The following P2RY8 variants were observed in gnomAD, a reference collection of about 807,000 sequenced individuals.
P2RY8 encodes the protein P2Y receptor family member 8.
P2RY8 carries 6 observed loss-of-function variants against 10.0 expected under a neutral mutation model. The observed-to-expected ratio is 0.60, with a 90% CI of 0.33 to 1.19. The LOEUF (loss-of-function observed/expected upper bound fraction) is 1.19, where lower values mean the gene tolerates loss of function less well. P2RY8 is among the 50% of genes most tolerant of loss of function. The probability of loss-of-function intolerance (pLI) is 0.04; values close to 1 mark genes in which losing one functional copy is unlikely to be tolerated. For missense variants in P2RY8, 456 were observed against 542.0 expected (o/e 0.84, Z 1.58); for synonymous variants, 276 against 252.5 (o/e 1.09, Z -0.88).
intron 1 of P2RY8, among the ~76,000 whole-genome samples, chrX:1,535,462 A>G (rs2092517176): frequency 6.6e-6 from 1 of 151,768 alleles, no homozygotes; most frequent in African/African-American, 2.4e-5. Flanking sequence ...TGCTGGGATT[A>G]CAGGCGTCTG....
chrX:1,531,041 C>T (rs1410910678), intron 1 of P2RY8, among the ~76,000 whole-genome samples: 3 of 140,518 alleles, frequency 2.1e-5, no homozygotes, highest in East Asian at 2.1e-4. Context: ...ATCTATTTAT[C>T]GATTCTATCT....
At chrX:1,513,801 C>T (rs1292031144) in intron 1 of P2RY8, among the ~76,000 whole-genome samples, 22 of 151,782 alleles carry the variant, frequency 1.4e-4, no homozygotes, top group Admixed American at 2.0e-4. Context: ...GGGCTCCAGG[C>T]GTCCCTGGGC....
At chrX:1,527,409 C>T (rs1312639861) in intron 1 of P2RY8, among the ~76,000 whole-genome samples, 4 of 151,862 alleles carry the variant, frequency 2.6e-5, no homozygotes, top group Admixed American at 1.3e-4. Flanking sequence ...CATTCATTCA[C>T]TCATTCATTT....
At position 1,471,308 on chromosome X, in the gene P2RY8, C is replaced by CTTTTTTTTT. The variant is rs1569536548; in HGVS notation, c.-24-4727_-24-4726insAAAAAAAAA. Among the ~76,000 whole-genome samples, 5 of 71,110 alleles carry CTTTTTTTTT rather than the reference C, an allele frequency of 7.0e-5. 1 individual carries two copies. The highest frequency in any genetic ancestry group is 2.6e-4 in the African/African-American group (5 of 19,258). 46.7% of individuals were successfully genotyped at this position (71,110 alleles called of 152,430 possible). On this transcript the variant is annotated intron_variant, in intron 1 of 1. Coordinates refer to ENST00000381297, the MANE Select transcript of P2RY8 (RefSeq NM_178129.5). ...CAGACGTGAGCCACCGCGCCCAGCC[C>CTTTTTTTTT]ATTTTTTTTTTTTTTTTTTTTTTGT...
At chrX:1,515,425 G>T (rs4933086) in intron 1 of P2RY8, among the ~76,000 whole-genome samples, 71,380 of 148,382 alleles carry the variant, frequency 0.48, 18,187 homozygotes, top group East Asian at 0.79. Flanking sequence ...AGGCTGGAGT[G>T]CAATGGCACA....
At chrX:1,534,019 C>T (rs1178864845) in intron 1 of P2RY8, among the ~76,000 whole-genome samples, 2 of 122,382 alleles carry the variant, frequency 1.6e-5, no homozygotes, top group Non-Finnish European at 3.1e-5. Context: ...TACATATTTA[C>T]ATATATTATA....
chrX:1,534,593 A>T (rs773710645), intron 1 of P2RY8, among the ~76,000 whole-genome samples: 2 of 151,568 alleles, frequency 1.3e-5, no homozygotes, highest in South Asian at 4.2e-4. Flanking sequence ...GCCTCTAGGG[A>T]CAGAAGAGGG....
intron 1 of P2RY8, among the ~76,000 whole-genome samples, chrX:1,531,681 A>G (rs2092476687): frequency 6.6e-6 from 1 of 152,072 alleles, no homozygotes; most frequent in Admixed American, 6.6e-5. Flanking sequence ...CTAGAAAATC[A>G]CACATCCTGC....
At chrX:1,478,977 C>G (rs1257957795) in intron 1 of P2RY8, among the ~76,000 whole-genome samples, 5 of 152,116 alleles carry the variant, frequency 3.3e-5, no homozygotes, top group Non-Finnish European at 7.3e-5. Flanking sequence ...TTCCAGGTTC[C>G]CACATTCCAA....
intron 1 of P2RY8, among the ~76,000 whole-genome samples, chrX:1,482,808 C>T (rs1196938916): frequency 6.6e-6 from 1 of 151,840 alleles, no homozygotes; most frequent in Non-Finnish European, 1.5e-5. Context: ...ATGGATGAAG[C>T]TCGAAACCAT....
At chrX:1,474,599 G>A (rs1363681303) in intron 1 of P2RY8, among the ~76,000 whole-genome samples, 1 of 143,342 alleles carries the variant, frequency 7.0e-6, no homozygotes, top group Non-Finnish European at 1.5e-5. Context: ...TGGATGGATG[G>A]ATGGATGGAT....
chrX:1,480,191 A>T (rs753481766), intron 1 of P2RY8, among the ~76,000 whole-genome samples: 3 of 152,258 alleles, frequency 2.0e-5, no homozygotes, highest in South Asian at 2.1e-4. Context: ...ACTCATTCTC[A>T]CACCCTCATC....
At chrX:1,509,644 TC>T (rs1458740787) in intron 1 of P2RY8, among the ~76,000 whole-genome samples, 3 of 144,962 alleles carry the variant, frequency 2.1e-5, no homozygotes, top group Non-Finnish European at 4.4e-5. Context: ...CATCTATTCA[TC>T]CATCTGTCTA....
At chrX:1,478,399 G>A (rs1379023151) in intron 1 of P2RY8, among the ~76,000 whole-genome samples, 4 of 152,104 alleles carry the variant, frequency 2.6e-5, no homozygotes, top group African/African-American at 4.8e-5. Context: ...TGACAGACAG[G>A]TCCTTTTGGG....
intron 1 of P2RY8, among the ~76,000 whole-genome samples, chrX:1,475,471 C>T (rs1403842484): frequency 3.3e-5 from 5 of 151,936 alleles, no homozygotes; most frequent in African/African-American, 7.3e-5. Flanking sequence ...CTTCTGGTCT[C>T]CAGGATGGGG....
intron 1 of P2RY8, among the ~76,000 whole-genome samples, chrX:1,498,405 C>CAAA (rs1175667773): frequency 7.1e-5 from 5 of 70,580 alleles, no homozygotes; most frequent in African/African-American, 1.5e-4. Context: ...GACTCTGTCT[C>CAAA]AAAAAAAAAA....
intron 1 of P2RY8, among the ~76,000 whole-genome samples, chrX:1,509,783 T>TC (rs1370632969): frequency 6.4e-4 from 38 of 58,932 alleles, no homozygotes; most frequent in African/African-American, 2.0e-3. Flanking sequence ...CTATCTATCA[T>TC]CTATGTATCC....
chrX:1,498,685 T>C (rs1292020875), intron 1 of P2RY8, among the ~76,000 whole-genome samples: 2 of 147,968 alleles, frequency 1.4e-5, no homozygotes, highest in Non-Finnish European at 3.0e-5. Flanking sequence ...GCCCGGCTAA[T>C]TTTTGTATTT....
chrX:1,505,743 T>C (rs1227604197), intron 1 of P2RY8, among the ~76,000 whole-genome samples: 6 of 152,024 alleles, frequency 3.9e-5, no homozygotes, highest in African/African-American at 1.4e-4. Context: ...TGAGCCGACA[T>C]GGCGCCATTG....
Sources: gnomAD v4.1 joint callset for allele counts (sites outside exome capture counted in the v4.1 genomes callset) on GRCh38, gnomAD v4.1.1 for gene constraint, MANE v1.5 for transcripts, NCBI Gene and HGNC (gene_info 2026-07-23, HGNC 2026-07-21) for gene names.